TSPEAR: variants seen among roughly 807,000 people sequenced by gnomAD.
TSPEAR encodes the protein thrombospondin-type laminin G domain and EAR repeat-containing protein.
TSPEAR carries 69 observed loss-of-function variants against 71.6 expected under a neutral mutation model. The observed-to-expected ratio is 0.96, with a 90% CI of 0.79 to 1.18. TSPEAR has a LOEUF of 1.18. Among genes scored for constraint, TSPEAR ranks in the 50% most tolerant of loss-of-function variants. TSPEAR has a pLI of 0.00. For synonymous variants in TSPEAR, 402 were observed against 387.2 expected, an observed-to-expected ratio of 1.04 and a Z score of -0.45; for missense variants, 971 against 894.9, an observed-to-expected ratio of 1.09 and a Z score of -1.09.
chr21:44,640,841 C>A (rs972254852), intron 1 of TSPEAR, among the ~76,000 whole-genome samples: 5 of 152,212 alleles, frequency 3.3e-5, no homozygotes, highest in African/African-American at 1.2e-4. Flanking sequence ...TGACTGTGGG[C>A]ACTCAGTGGT....
intron 2 of TSPEAR, among the ~76,000 whole-genome samples, chr21:44,541,343 T>C (rs2053220260): frequency 6.6e-6 from 1 of 152,242 alleles, no homozygotes. Flanking sequence ...TCTTATGCTG[T>C]ATAAAATGCT....
At chr21:44,637,629 C>G (rs1601514834) in intron 1 of TSPEAR, 4 of 1,613,988 alleles carry the variant, frequency 2.5e-6, no homozygotes, top group Non-Finnish European at 3.4e-6. Flanking sequence ...AGCTCCTGCA[C>G]AACCCCATGC....
chr21:44,505,152 C>T (rs965232281), intron 10 of TSPEAR, among the ~76,000 whole-genome samples: 25 of 152,154 alleles, frequency 1.6e-4, no homozygotes, highest in Non-Finnish European at 1.0e-4. Flanking sequence ...GATCTCGGCT[C>T]ACGGCAACCT....
chr21:44,564,276 A>C (rs980505512), intron 2 of TSPEAR, among the ~76,000 whole-genome samples: 1 of 152,234 alleles, frequency 6.6e-6, no homozygotes, highest in Non-Finnish European at 1.5e-5. Context: ...AATGAGGTCA[A>C]CTGTATATCA....
chr21:44,586,008 G>A lies in TSPEAR; in HGVS notation c.83-18003C>T, dbSNP rs186011758. 1.4e-3 allele frequency among the ~76,000 whole-genome samples: 211 copies of A among 152,332 alleles called. 2 individuals carry two copies. The highest frequency in any genetic ancestry group is 0.014 in the Middle Eastern group (4 of 294). On this transcript the variant is annotated intron_variant, in intron 1 of 11. Transcript: ENST00000323084. ...TGTCTGCCGCTGGCTGAGTACAGGG[G>A]CTTTGGTTCATTTTGGCATCCAGAA... is the stretch of plus-strand genomic sequence containing the variant.
At chr21:44,573,790 G>A (rs1555923049) in intron 1 of TSPEAR, 10 of 1,613,988 alleles carry the variant, frequency 6.2e-6, no homozygotes, top group Non-Finnish European at 8.5e-6. Context: ...CTGAGCTACA[G>A]CAGCCGCGTC....
chr21:44,512,582 C>T (rs1358805973), intron 9 of TSPEAR, among the ~76,000 whole-genome samples: 1 of 152,126 alleles, frequency 6.6e-6, no homozygotes, highest in Non-Finnish European at 1.5e-5. Flanking sequence ...CTGGCCACAG[C>T]CCTGAGGCTG....
Position 44,592,404 on chromosome 21 carries a change from A to G in TSPEAR, c.83-24399T>C, listed in dbSNP as rs79387815. 4.6e-3 allele frequency: 7,356 copies of G among 1,601,644 alleles called. 431 individuals are homozygous for G. The East Asian group carries it at 0.13, about 28-fold the overall frequency. The stretch of plus-strand genomic sequence containing the variant: ...CGTCCACCTGCCAGGAGTCGGAGCA[A>G]GAGTCACAGGAACCAGGAAGGCAGA... On this transcript the variant is annotated intron_variant, in intron 1 of 11. Transcript: ENST00000323084.
chr21:44,536,903 A>G (rs1360269181), intron 2 of TSPEAR, among the ~76,000 whole-genome samples: 1 of 152,232 alleles, frequency 6.6e-6, no homozygotes, highest in Non-Finnish European at 1.5e-5. Flanking sequence ...ATAGACATAT[A>G]TACAGGATTT....
chr21:44,647,204 G>A (rs371766804), intron 1 of TSPEAR: 4 of 1,613,344 alleles, frequency 2.5e-6, no homozygotes, highest in Non-Finnish European at 2.5e-6. Context: ...AGGTCCACCT[G>A]CTGTGTGCCC....
intron 1 of TSPEAR, chr21:44,637,606 A>G: frequency 6.2e-7 from 1 of 1,613,760 alleles, no homozygotes; most frequent in Non-Finnish European, 8.5e-7. Flanking sequence ...GCGCCTGCCA[A>G]TCAGGCTACA....
intron 1 of TSPEAR, chr21:44,658,309 C>G: frequency 6.3e-7 from 1 of 1,586,852 alleles, no homozygotes; most frequent in Non-Finnish European, 8.6e-7. Flanking sequence ...CACCTGTATC[C>G]CTCCGTGAAT....
chr21:44,553,995 C>T (rs8134902), intron 2 of TSPEAR, among the ~76,000 whole-genome samples: 90,533 of 152,104 alleles, frequency 0.6, 27,247 homozygotes, highest in South Asian at 0.71. Context: ...AGAAAGTACT[C>T]CACCCAGGTA....
chr21:44,629,165 C>A (rs1211006862), intron 1 of TSPEAR, among the ~76,000 whole-genome samples: 4 of 152,226 alleles, frequency 2.6e-5, no homozygotes, highest in African/African-American at 9.6e-5. Flanking sequence ...GCCGCCCACT[C>A]TTCTCGCCTT....
intron 10 of TSPEAR, 21 bp from the exon 11 acceptor site, chr21:44,504,902 A>C: frequency 6.3e-7 from 1 of 1,577,844 alleles, no homozygotes; most frequent in Non-Finnish European, 8.7e-7. Context: ...AAGTGGGTGG[A>C]TATTAGGACA....
intron 1 of TSPEAR, among the ~76,000 whole-genome samples, chr21:44,590,914 G>T (rs1369685227): frequency 6.6e-6 from 1 of 152,096 alleles, no homozygotes; most frequent in Non-Finnish European, 1.5e-5. Flanking sequence ...GTTCACAGAG[G>T]CCAGCACCAG....
chr21:44,654,531 G>A lies in TSPEAR; in HGVS notation c.82+56902C>T, dbSNP rs200919778. On this transcript the variant is annotated intron_variant, in intron 1 of 11. Coordinates refer to ENST00000323084, the MANE Select transcript of TSPEAR (RefSeq NM_144991.3). Reference sequence around the variant, plus strand: ...AGCAGCAGGAGGTCCCATAGCCCTCGGGTGGGTAGCAGGTGCTGGGGACAC... The same window carrying A: ...AGCAGCAGGAGGTCCCATAGCCCTCAGGTGGGTAGCAGGTGCTGGGGACAC... The A allele has an allele frequency of 4.7e-4, 756 of 1,612,610 alleles. 13 individuals are homozygous for A. The South Asian group carries it at 7.3e-3, about 15-fold the overall frequency.
chr21:44,606,084 AAAC>A (rs1981285958), intron 1 of TSPEAR, among the ~76,000 whole-genome samples: 1 of 151,864 alleles, frequency 6.6e-6, no homozygotes, highest in South Asian at 2.1e-4. Flanking sequence ...TAAGGAACTC[AAAC>A]AACTCAGTAG....
At chr21:44,709,416 C>G (rs1391071498) in intron 1 of TSPEAR, among the ~76,000 whole-genome samples, 1 of 152,242 alleles carries the variant, frequency 6.6e-6, no homozygotes, top group Non-Finnish European at 1.5e-5. Flanking sequence ...CCTGAAAATC[C>G]CAGCCCACAA....
Sources: allele counts gnomAD v4.1 joint callset (sites outside exome capture counted in the v4.1 genomes callset), GRCh38; gene constraint gnomAD v4.1.1; transcripts MANE v1.5; gene names NCBI Gene and HGNC (gene_info 2026-07-23, HGNC 2026-07-21).